Variants in WARS2 observed in about 807,000 individuals in gnomAD.
WARS2 encodes the protein tryptophan--tRNA ligase, mitochondrial.
In WARS2, 28 loss-of-function variants were observed where a neutral mutation model predicts 36.5. The ratio of observed to expected loss-of-function variants is 0.77; its 90% confidence interval spans 0.57 to 1.05. WARS2 has a LOEUF of 1.05. Among genes scored for constraint, WARS2 ranks in the 50% least tolerant of loss-of-function variants. WARS2 has a pLI of 0.00. For missense variants in WARS2, 435 were observed against 456.8 expected (o/e 0.95, Z 0.44); for synonymous variants, 174 against 178.4 (o/e 0.98, Z 0.20).
chr1:119,041,763 A>G (rs1238917633), intron 4 of WARS2, among the ~76,000 whole-genome samples: 1 of 152,174 alleles, frequency 6.6e-6, no homozygotes, highest in Non-Finnish European at 1.5e-5. Flanking sequence ...AAATGCTTGA[A>G]GTTTAATCAG....
chr1:119,116,479 G>C (rs943076527), intron 1 of WARS2, among the ~76,000 whole-genome samples: 6 of 152,184 alleles, frequency 3.9e-5, no homozygotes, highest in Admixed American at 3.9e-4. Flanking sequence ...AATATACCAG[G>C]AAAACTGAAA....
At chr1:119,117,130 G>A (rs1454721488) in intron 1 of WARS2, among the ~76,000 whole-genome samples, 1 of 152,184 alleles carries the variant, frequency 6.6e-6, no homozygotes, top group Non-Finnish European at 1.5e-5. Flanking sequence ...CTGCATGGGA[G>A]TGGAGTGAGG....
chr1:119,093,918 A>C (rs7537207), intron 1 of WARS2, among the ~76,000 whole-genome samples: 70,466 of 152,038 alleles, frequency 0.46, 17,738 homozygotes, highest in African/African-American at 0.66. Flanking sequence ...ACTGTGCAAG[A>C]CCTGGGGCAA....
intron 1 of WARS2, among the ~76,000 whole-genome samples, chr1:119,076,971 C>T (rs992851710): frequency 7.9e-5 from 12 of 151,760 alleles, no homozygotes; most frequent in Non-Finnish European, 1.8e-4. Context: ...GAAACCCCGT[C>T]TCTACTAAAA....
In WARS2 at chr1:119,033,062, A is replaced by G; in HGVS notation, c.932T>C (p.Ile311Thr). The stretch of plus-strand genomic sequence containing the variant: ...ACGCTTAATTGGGGCAAACTTCTCA[A>G]TCACAGCATCTGCCACGGCCAGCTT... ...RYKLAVADAV[I>T]EKFAPIKREI... Residue 311 changes from isoleucine (I) to threonine (T), a missense_variant, in exon 6 of 6, where the codon ATT (isoleucine) becomes ACT (threonine). By Grantham distance (89) the Ile-to-Thr change is moderately conservative. Coordinates refer to ENST00000235521, the MANE Select transcript of WARS2 (RefSeq NM_015836.4). The G allele has an allele frequency of 4.3e-6, 7 of 1,614,222 alleles. No individual in the cohort carries two copies. The highest frequency in any genetic ancestry group is 5.9e-6 in the Non-Finnish European group (7 of 1,180,044).
chr1:119,084,787 G>GT (rs1207851007), intron 1 of WARS2, among the ~76,000 whole-genome samples: 3 of 152,228 alleles, frequency 2.0e-5, no homozygotes, highest in African/African-American at 7.2e-5. Flanking sequence ...TTCAGGGCAC[G>GT]TACTCTGGTT....
chr1:119,128,599 G>A (rs187663614), intron 1 of WARS2, among the ~76,000 whole-genome samples: 1,034 of 38,724 alleles, frequency 0.027, 9 homozygotes, highest in African/African-American at 0.09. Flanking sequence ...CCCACCCTGC[G>A]CCCCCCACAA....
In WARS2 at chr1:119,085,050, T is replaced by C. The variant is rs1652519407; in HGVS notation, c.91-8443A>G. On this transcript the variant is annotated intron_variant, in intron 1 of 5. Transcript: ENST00000235521. ...CAAAGACTCCTGCTCCCGGCAGCGC[T>C]GGGTCCTTTTATGCCTATGGGATTT... 5.7e-6 allele frequency: 4 copies of C among 698,020 alleles called. No homozygotes were observed. The Admixed American group carries it at 8.2e-5, about 14-fold the overall frequency. The allele number at this position is 698,020 out of a possible 1,614,324, so 43.2% of individuals were successfully genotyped here. A position where few individuals can be genotyped will look rare whatever the true frequency, so the allele number is the denominator to read the frequency against.
chr1:119,039,867 GA>G (rs960536067), intron 4 of WARS2, among the ~76,000 whole-genome samples: 23 of 147,122 alleles, frequency 1.6e-4, no homozygotes, highest in African/African-American at 2.2e-4. Context: ...TTGCTGATAG[GA>G]AAAAAAAAAC....
intron 2 of WARS2, among the ~76,000 whole-genome samples, chr1:119,070,314 T>C (rs967224889): frequency 3.2e-4 from 48 of 152,038 alleles, no homozygotes; most frequent in African/African-American, 1.0e-3. Flanking sequence ...CAGGCTGGAG[T>C]GCAGGGGCGT....
At chr1:119,058,113 G>A (rs1018819495) in intron 2 of WARS2, among the ~76,000 whole-genome samples, 3 of 152,080 alleles carry the variant, frequency 2.0e-5, no homozygotes, top group Non-Finnish European at 4.4e-5. Flanking sequence ...GTCTGTGGTG[G>A]TTTTAAGTTG....
chr1:119,037,644 C>G (rs1162684858), intron 4 of WARS2, among the ~76,000 whole-genome samples: 3 of 152,188 alleles, frequency 2.0e-5, no homozygotes, highest in East Asian at 1.9e-4. Flanking sequence ...GGTTTACTTT[C>G]TAAAGATTTA....
chr1:119,112,111 G>A (rs1373894759), intron 1 of WARS2, among the ~76,000 whole-genome samples: 6 of 151,994 alleles, frequency 3.9e-5, no homozygotes, highest in Non-Finnish European at 7.4e-5. Context: ...TAGTAGAGAC[G>A]GGGTTTCACC....
intron 1 of WARS2, among the ~76,000 whole-genome samples, chr1:119,105,339 C>A (rs1309002569): frequency 2.6e-5 from 4 of 152,118 alleles, no homozygotes; most frequent in Non-Finnish European, 5.9e-5. Context: ...GTCTTCTATA[C>A]ACAAATGTTA....
At chr1:119,105,757 C>A (rs1571365408) in intron 1 of WARS2, among the ~76,000 whole-genome samples, 1 of 152,072 alleles carries the variant, frequency 6.6e-6, no homozygotes, top group South Asian at 2.1e-4. Flanking sequence ...ACTAAAAATA[C>A]AAAAATTAGC....
chr1:119,045,598 T>TCAGTG lies in WARS2; in HGVS notation c.412_413insCACTG (p.His138ProfsTer53). ...GGCATTTACCTTCCACTGATGTAAA[T>TCAGTG]GTTGTAATCGAGGTAGTCTGACCAT... is the stretch of plus-strand genomic sequence containing the variant. On this transcript the variant is annotated frameshift_variant, in exon 3 of 6. Transcript: ENST00000235521. LOFTEE classifies it high-confidence loss of function. 1 of 1,594,326 alleles carries TCAGTG rather than the reference T, an allele frequency of 6.3e-7. No individual in the cohort carries two copies. The highest frequency in any genetic ancestry group is 8.6e-7 in the Non-Finnish European group (1 of 1,167,004).
At chr1:119,122,962 T>C (rs1571392023) in intron 1 of WARS2, among the ~76,000 whole-genome samples, 1 of 152,036 alleles carries the variant, frequency 6.6e-6, no homozygotes, top group Non-Finnish European at 1.5e-5. Flanking sequence ...TCTCTGAGGA[T>C]AGGAAAAAAA....
intron 3 of WARS2, among the ~76,000 whole-genome samples, chr1:119,045,308 T>C (rs1648701693): frequency 6.6e-6 from 1 of 152,252 alleles, no homozygotes; most frequent in Admixed American, 6.5e-5. Flanking sequence ...AACTATAATG[T>C]GGTTGTTCAA....
In WARS2 at chr1:119,103,218, TTTTG is replaced by T. The variant is rs898541854; in HGVS notation, c.91-26615_91-26612del. 1.4e-4 allele frequency among the ~76,000 whole-genome samples: 22 copies of T among 152,302 alleles called. No homozygotes were observed. The East Asian group carries it at 3.9e-3, about 27-fold the overall frequency. ...GTTGGTTGTTTTGGTTTTTGTGGTT[TTTTG>T]TTTGTTTCTTTTTCACCAGAGGAGT... is the stretch of plus-strand genomic sequence containing the variant. On this transcript the variant is annotated intron_variant, in intron 1 of 5. Transcript: ENST00000235521.
Sources: gnomAD v4.1 joint callset for allele counts (sites outside exome capture counted in the v4.1 genomes callset) on GRCh38, gnomAD v4.1.1 for gene constraint, MANE v1.5 for transcripts, NCBI Gene and HGNC (gene_info 2026-07-23, HGNC 2026-07-21) for gene names.